Variants in SYNE3 observed in about 807,000 individuals in gnomAD.
The protein encoded by SYNE3 is spectrin repeat containing nuclear envelope family member 3, also known as nesprin-3.
Under a neutral mutation model 111.2 loss-of-function variants are expected in SYNE3, and 100 were observed. The observed-to-expected ratio is 0.90, with a 90% CI of 0.77 to 1.06. The LOEUF (loss-of-function observed/expected upper bound fraction) is 1.06, where lower values mean the gene tolerates loss of function less well. SYNE3 is among the 50% of genes least tolerant of loss of function. SYNE3 has a pLI of 0.00. For synonymous variants in SYNE3, 547 were observed against 533.9 expected, an observed-to-expected ratio of 1.02 and a Z score of -0.34; for missense variants, 1,160 against 1,240.3, an observed-to-expected ratio of 0.94 and a Z score of 0.97.
intron 1 of SYNE3, among the ~76,000 whole-genome samples, chr14:95,514,815 G>T (rs1221963456): frequency 6.6e-6 from 1 of 152,202 alleles, no homozygotes; most frequent in Admixed American, 6.5e-5. Context: ...TGCTTTTGAC[G>T]TTGAGCTGGG....
intron 17 of SYNE3, among the ~76,000 whole-genome samples, chr14:95,422,999 A>T (rs1566954691): frequency 6.6e-6 from 1 of 152,204 alleles, no homozygotes; most frequent in Non-Finnish European, 1.5e-5. Context: ...CACCAGAAGC[A>T]CTGAATTACA....
chr14:95,460,462 C>G (rs1471550892), intron 4 of SYNE3, among the ~76,000 whole-genome samples: 1 of 149,616 alleles, frequency 6.7e-6, no homozygotes, highest in Non-Finnish European at 1.5e-5. Flanking sequence ...CTCAAATGAT[C>G]CACCTGCCTC....
intron 1 of SYNE3, among the ~76,000 whole-genome samples, chr14:95,496,083 G>C (rs1446577355): frequency 6.6e-6 from 1 of 152,232 alleles, no homozygotes; most frequent in Non-Finnish European, 1.5e-5. Context: ...AGGACCCTAA[G>C]TGGATGGGCA....
chr14:95,499,987 A>C (rs766329502), intron 1 of SYNE3, among the ~76,000 whole-genome samples: 4 of 150,360 alleles, frequency 2.7e-5, no homozygotes, highest in Admixed American at 6.7e-5. Context: ...AGCCTCCAGA[A>C]TAGCTGGGAC....
At chr14:95,466,834 C>A (rs549855908) in intron 3 of SYNE3, among the ~76,000 whole-genome samples, 1 of 152,324 alleles carries the variant, frequency 6.6e-6, no homozygotes, top group South Asian at 2.1e-4. Context: ...ACTGGCTTCC[C>A]AGCAGCCTGC....
chr14:95,509,597 G>C (rs1890651578), intron 1 of SYNE3, among the ~76,000 whole-genome samples: 1 of 152,206 alleles, frequency 6.6e-6, no homozygotes, highest in Non-Finnish European at 1.5e-5. Context: ...ACTAGCCCAG[G>C]TGAAGGTCAA....
At chr14:95,479,142 C>A (rs551524690) in intron 1 of SYNE3, among the ~76,000 whole-genome samples, 1 of 150,122 alleles carries the variant, frequency 6.7e-6, no homozygotes, top group Non-Finnish European at 1.5e-5. Context: ...TGCCTGTAAT[C>A]CCAGCAGTTT....
At chr14:95,418,687 T>A (rs1460344044) in intron 17 of SYNE3, among the ~76,000 whole-genome samples, 4 of 152,014 alleles carry the variant, frequency 2.6e-5, no homozygotes, top group Non-Finnish European at 4.4e-5. Context: ...CACTGCACCC[T>A]CCACCTCCCA....
At chr14:95,474,728 A>G (rs79551941) in intron 2 of SYNE3, among the ~76,000 whole-genome samples, 20 of 152,222 alleles carry the variant, frequency 1.3e-4, no homozygotes, top group East Asian at 5.8e-4. Flanking sequence ...TATATGCAAT[A>G]TGGTGCACAG....
chr14:95,444,508 G>C lies in SYNE3; in HGVS notation c.1753C>G (p.Gln585Glu). 1.2e-6 allele frequency: 2 copies of C among 1,612,638 alleles called. No homozygotes were observed. The highest frequency in any genetic ancestry group is 1.7e-6 in the Non-Finnish European group (2 of 1,179,240). Residue 585 changes from glutamine (Q) to glutamate (E), a missense_variant, in exon 10 of 18, where the codon CAG becomes GAG. Coordinates refer to ENST00000682763, the MANE Select transcript of SYNE3 (RefSeq NM_152592.6). Reference protein sequence around the residue: ...KGLQRDLPGKQAQLSRLQGLQ... With the variant: ...KGLQRDLPGKEAQLSRLQGLQ... ...ACCTGCAACCTTGAGAGCTGGGCCT[G>C]TTTTCCAGGAAGGTCCCGCTGAAGC...
chr14:95,455,550 G>A lies in SYNE3; in HGVS notation c.964C>T (p.Arg322Trp), dbSNP rs199497782. 5.1e-5 allele frequency: 82 copies of A among 1,613,840 alleles called. No individual in the cohort carries two copies. The highest frequency in any genetic ancestry group is 3.8e-4 in the Admixed American group (23 of 60,012). ...LRALWEEEEE[R>W]LRGLLRSRGA... is the part of the protein sequence containing the mutation. Reference sequence around the variant, plus strand: ...CTGGACCGGAGCAGGCCCCGCAGCCGCTCCTCCTCCTCCTCCCAGAGGGCG... The same window carrying A: ...CTGGACCGGAGCAGGCCCCGCAGCCACTCCTCCTCCTCCTCCCAGAGGGCG... The change falls in exon 6 of 18, where the codon CGG becomes TGG. Residue 322 changes from arginine to tryptophan, a missense_variant. Transcript: ENST00000682763.
intron 1 of SYNE3, among the ~76,000 whole-genome samples, chr14:95,515,833 C>T (rs1890901999): frequency 6.6e-6 from 1 of 152,192 alleles, no homozygotes; most frequent in Admixed American, 6.5e-5. Context: ...AGGCTGGAGG[C>T]CCCTGGCTTC....
intron 5 of SYNE3, 189 bp from the exon 6 acceptor site, chr14:95,455,913 C>A: frequency 1.8e-6 from 1 of 560,102 alleles, no homozygotes; most frequent in East Asian, 2.8e-5. Flanking sequence ...ACCTGAGAAC[C>A]CTATTCCTTC....
chr14:95,426,748 T>C lies in SYNE3; in HGVS notation c.2727+5331A>G, dbSNP rs751294603. On this transcript the variant is annotated intron_variant, in intron 17 of 17. Transcript: ENST00000682763. ...TGAGATCAGGAGATTGAGACCATCC[T>C]GGCTAACACAGTGAAACCACGTCTC... Among the ~76,000 whole-genome samples the C allele has an allele frequency of 5.3e-5, 8 of 151,952 alleles. No homozygotes were observed. In the South Asian group the frequency reaches 6.2e-4, roughly 12 times the overall value.
intron 17 of SYNE3, among the ~76,000 whole-genome samples, chr14:95,418,296 G>C (rs895906349): frequency 6.6e-6 from 1 of 152,182 alleles, no homozygotes; most frequent in African/African-American, 2.4e-5. Flanking sequence ...ATCTTTGCCT[G>C]GTGTAGCAGA....
chr14:95,428,401 C>T (rs930759785), intron 17 of SYNE3, among the ~76,000 whole-genome samples: 33 of 152,214 alleles, frequency 2.2e-4, no homozygotes, highest in African/African-American at 6.5e-4. Context: ...ATAAGACACC[C>T]GAATTCCAGA....
rs1341487937 is a variant in SYNE3, at chr14:95,439,023, A to C, written c.2376+10T>G. 1 of 1,613,674 alleles carries C rather than the reference A, an allele frequency of 6.2e-7. No homozygotes were observed. The highest frequency in any genetic ancestry group is 1.3e-5 in the African/African-American group (1 of 74,940). The stretch of plus-strand genomic sequence containing the variant: ...GCCCCTTCTCCCACAGCCCTGCTAG[A>C]CAGACTCACGCGTCGACGATGCCTG... On this transcript the variant is annotated intron_variant, in intron 14 of 17. Transcript: ENST00000682763.
chr14:95,516,257 G>A (rs1019771748), intron 1 of SYNE3: 3 of 152,260 alleles, frequency 2.0e-5, no homozygotes, highest in Non-Finnish European at 2.9e-5. Flanking sequence ...GGGAAGCCCC[G>A]AGGAGGCACC....
At chr14:95,480,515 C>A (rs979159772) in intron 1 of SYNE3, among the ~76,000 whole-genome samples, 9 of 152,172 alleles carry the variant, frequency 5.9e-5, no homozygotes, top group African/African-American at 2.2e-4. Context: ...ACCAGCCAGT[C>A]CCCCAGAGGT....
Sources: allele counts gnomAD v4.1 joint callset (sites outside exome capture counted in the v4.1 genomes callset), GRCh38; gene constraint gnomAD v4.1.1; transcripts MANE v1.5; gene names NCBI Gene and HGNC (gene_info 2026-07-23, HGNC 2026-07-21).